Variants in C8orf34 observed in about 807,000 individuals in gnomAD.
C8orf34 encodes uncharacterized protein C8orf34.
In C8orf34, 65 loss-of-function variants were observed where a neutral mutation model predicts 68.3. That is an observed-to-expected ratio of 0.95 (90% CI 0.78 to 1.17). The LOEUF is 1.17. Ranked by LOEUF, C8orf34 falls within the 50% of genes most tolerant of loss-of-function variation. C8orf34 has a pLI of 0.00. For synonymous variants in C8orf34, 244 were observed against 241.2 expected (o/e 1.01, Z -0.11); for missense variants, 664 against 655.4 (o/e 1.01, Z -0.14).
intron 2 of C8orf34, among the ~76,000 whole-genome samples, chr8:68,444,473 T>G (rs1030483606): frequency 5.3e-5 from 8 of 152,126 alleles, no homozygotes; most frequent in African/African-American, 1.4e-4. Flanking sequence ...TATTAAATGA[T>G]TCTTAAAATA....
At chr8:68,666,924 C>CT (rs1319992317) in intron 8 of C8orf34, among the ~76,000 whole-genome samples, 3 of 152,078 alleles carry the variant, frequency 2.0e-5, no homozygotes, top group Non-Finnish European at 4.4e-5. Context: ...AAAAATGCAT[C>CT]TTTTTTATGA....
intron 3 of C8orf34, among the ~76,000 whole-genome samples, chr8:68,451,460 C>T (rs2129627517): frequency 6.6e-6 from 1 of 152,238 alleles, no homozygotes; most frequent in South Asian, 2.1e-4. Flanking sequence ...TTAATCATTT[C>T]TATCTTTTGC....
At chr8:68,535,670 T>C (rs981895936) in intron 7 of C8orf34, 1 of 719,856 alleles carries the variant, frequency 1.4e-6, no homozygotes, top group Non-Finnish European at 1.7e-6. Context: ...TTCTAAATGT[T>C]TTAGGCATAT....
At chr8:68,651,710 T>G (rs1406772118) in intron 8 of C8orf34, among the ~76,000 whole-genome samples, 1 of 152,078 alleles carries the variant, frequency 6.6e-6, no homozygotes, top group African/African-American at 2.4e-5. Context: ...TGGGTACACA[T>G]GGACATAAGG....
intron 1 of C8orf34, among the ~76,000 whole-genome samples, chr8:68,355,923 T>C (rs1806727247): frequency 6.6e-6 from 1 of 152,204 alleles, no homozygotes; most frequent in African/African-American, 2.4e-5. Context: ...TTCTCTGTAG[T>C]ATAATTGTCT....
chr8:68,474,270 C>T (rs547966857), intron 4 of C8orf34, among the ~76,000 whole-genome samples: 25 of 152,306 alleles, frequency 1.6e-4, no homozygotes, highest in Admixed American at 3.3e-4. Flanking sequence ...TGTGACCTTT[C>T]GGCTGCATGC....
At chr8:68,646,481 C>T (rs1263050737) in intron 8 of C8orf34, among the ~76,000 whole-genome samples, 1 of 151,928 alleles carries the variant, frequency 6.6e-6, no homozygotes, top group Admixed American at 6.6e-5. Context: ...CACTTAAAAT[C>T]TACTTTTTTA....
At chr8:68,717,603 G>A (rs938637642) in intron 9 of C8orf34, among the ~76,000 whole-genome samples, 1 of 152,084 alleles carries the variant, frequency 6.6e-6, no homozygotes, top group Non-Finnish European at 1.5e-5. Context: ...TATTGAAAAT[G>A]CCCTAATTAT....
intron 5 of C8orf34, among the ~76,000 whole-genome samples, chr8:68,511,908 G>A (rs940293812): frequency 8.5e-5 from 13 of 152,134 alleles, no homozygotes; most frequent in African/African-American, 2.4e-4. Context: ...AGTCAAAAAG[G>A]TTGCTTCAGC....
intron 7 of C8orf34, among the ~76,000 whole-genome samples, chr8:68,569,264 G>A (rs1025922613): frequency 1.3e-5 from 2 of 152,236 alleles, no homozygotes; most frequent in South Asian, 4.1e-4. Flanking sequence ...TTTATTATGG[G>A]AATTCACCAC....
At chr8:68,370,876 C>T (rs761414646) in intron 1 of C8orf34, among the ~76,000 whole-genome samples, 10 of 152,222 alleles carry the variant, frequency 6.6e-5, no homozygotes, top group Admixed American at 2.0e-4. Flanking sequence ...AGATTTAAGT[C>T]AAAATAAAAT....
chr8:68,413,145 C>T (rs1395454097), intron 1 of C8orf34, among the ~76,000 whole-genome samples: 1 of 152,210 alleles, frequency 6.6e-6, no homozygotes, highest in African/African-American at 2.4e-5. Flanking sequence ...AGTGGCCAGA[C>T]AATCATCAGA....
In C8orf34 at chr8:68,419,052, A is replaced by G. The variant is rs1237428033; in HGVS notation, c.328-20447A>G. Among the ~76,000 whole-genome samples the G allele has an allele frequency of 5.3e-5, 8 of 151,214 alleles. No homozygotes were observed. In the East Asian group the frequency reaches 7.8e-4, roughly 15 times the overall value. ...CATCAGAGTGAACAGGCAACCTACAAAATGGGAGAAAATTTTCGCAACCTG... is the reference window on the plus strand; with the variant it reads ...CATCAGAGTGAACAGGCAACCTACAGAATGGGAGAAAATTTTCGCAACCTG... On this transcript the variant is annotated intron_variant, in intron 1 of 13. Coordinates refer to ENST00000518698, the MANE Select transcript of C8orf34 (RefSeq NM_052958.4).
Position 68,559,592 on chromosome 8 carries a change from A to G in C8orf34, c.1105+26443A>G, listed in dbSNP as rs116155773. 6.2e-3 allele frequency among the ~76,000 whole-genome samples: 938 copies of G among 152,300 alleles called. 10 individuals carry two copies. Among genetic ancestry groups the G allele is most frequent in the African/African-American group, 0.022 (897 of 41,558 alleles). On this transcript the variant is annotated intron_variant, in intron 7 of 13. Coordinates refer to ENST00000518698, the MANE Select transcript of C8orf34 (RefSeq NM_052958.4). ...AAAAAACATTTTCTTTTGTTGTCATAAGAATACGTGTGACCTGTTTTAATA... is the reference window on the plus strand; with the variant it reads ...AAAAAACATTTTCTTTTGTTGTCATGAGAATACGTGTGACCTGTTTTAATA...
At chr8:68,426,647 T>C (rs937519934) in intron 1 of C8orf34, among the ~76,000 whole-genome samples, 1 of 144,288 alleles carries the variant, frequency 6.9e-6, no homozygotes, top group African/African-American at 2.6e-5. Context: ...TCTCAAAACA[T>C]ATTAAAAAAA....
chr8:68,793,464 T>G (rs1335348217), intron 12 of C8orf34, among the ~76,000 whole-genome samples: 2 of 152,220 alleles, frequency 1.3e-5, no homozygotes, highest in Non-Finnish European at 2.9e-5. Flanking sequence ...GTTGTCAACC[T>G]TTAAGAATTA....
intron 5 of C8orf34, among the ~76,000 whole-genome samples, chr8:68,506,308 A>G (rs1176619864): frequency 6.6e-6 from 1 of 152,224 alleles, no homozygotes; most frequent in Non-Finnish European, 1.5e-5. Context: ...ATCCTGGCCA[A>G]CATTATCTGT....
At chr8:68,465,284 T>C (rs1195456420) in intron 3 of C8orf34, among the ~76,000 whole-genome samples, 1 of 150,932 alleles carries the variant, frequency 6.6e-6, no homozygotes, top group African/African-American at 2.4e-5. Flanking sequence ...TGGCAATCAT[T>C]AAAAAGTCAG....
intron 7 of C8orf34, among the ~76,000 whole-genome samples, chr8:68,571,342 A>G (rs575922967): frequency 6.6e-6 from 1 of 152,316 alleles, no homozygotes; most frequent in South Asian, 2.1e-4. Context: ...CCCCAGAAGG[A>G]AATTACCCAT....
Sources: gnomAD v4.1 joint callset for allele counts (sites outside exome capture counted in the v4.1 genomes callset) on GRCh38, gnomAD v4.1.1 for gene constraint, MANE v1.5 for transcripts, NCBI Gene and HGNC (gene_info 2026-07-23, HGNC 2026-07-21) for gene names.